ASPA: variants seen among roughly 807,000 people sequenced by gnomAD.
ASPA encodes aspartoacylase.
Under a neutral mutation model 29.6 loss-of-function variants are expected in ASPA, and 25 were observed. The ratio of observed to expected loss-of-function variants is 0.85; its 90% confidence interval spans 0.62 to 1.18. The LOEUF (loss-of-function observed/expected upper bound fraction) is 1.18, where lower values mean the gene tolerates loss of function less well. Among genes scored for constraint, ASPA ranks in the 50% most tolerant of loss-of-function variants. ASPA has a pLI of 0.00. For synonymous variants in ASPA, 131 were observed against 130.3 expected (o/e 1.01, Z -0.04); for missense variants, 333 against 385.7 (o/e 0.86, Z 1.14).
chr17:3,494,385 A>C lies in ASPA; in HGVS notation c.670A>C (p.Lys224Gln). 1 of 1,613,050 alleles carries C rather than the reference A, an allele frequency of 6.2e-7. No individual in the cohort carries two copies. The highest frequency in any genetic ancestry group is 8.5e-7 in the Non-Finnish European group (1 of 1,178,978). ...TCCTCCCTGCGCCATTGAGGTCTATAAAATTATAGAGAAAGTTGATTACCC... is the reference window on the plus strand; with the variant it reads ...TCCTCCCTGCGCCATTGAGGTCTATCAAATTATAGAGAAAGTTGATTACCC... ...EFPPCAIEVY[K>Q]IIEKVDYPRD... is the part of the protein sequence containing the mutation. Residue 224 changes from lysine (K) to glutamine (Q), a missense_variant, in exon 5 of 6, where the codon AAA becomes CAA. Transcript: ENST00000263080.
chr17:3,492,941 C>T (rs557495695), intron 4 of ASPA, among the ~76,000 whole-genome samples: 269 of 152,302 alleles, frequency 1.8e-3, no homozygotes, highest in African/African-American at 6.3e-3. Flanking sequence ...TTTGAAGCCA[C>T]TAAATTCTGG....
chr17:3,490,935 C>T lies in ASPA; in HGVS notation c.634+1593C>T, dbSNP rs2150755131. 6.6e-6 allele frequency among the ~76,000 whole-genome samples: 1 copy of T among 152,236 alleles called. No homozygotes were observed. The highest frequency in any genetic ancestry group is 3.4e-3 in the Middle Eastern group (1 of 294). On this transcript the variant is annotated intron_variant, in intron 4 of 5. Transcript: ENST00000263080. The surrounding 1 kb of genome is among the most constrained non-coding windows in gnomAD (Gnocchi z 4.6). ...CATTTAAGCAAAGGATTCGGCAAAT[C>T]AAAAATTGTCAACCACGATTAATTT...
chr17:3,495,270 A>C (rs1364711638), intron 5 of ASPA, among the ~76,000 whole-genome samples: 1 of 152,230 alleles, frequency 6.6e-6, no homozygotes, highest in African/African-American at 2.4e-5. Flanking sequence ...CAGGGCTTTC[A>C]ACCCCGACTA....
intron 1 of ASPA, 107 bp downstream of exon 1, chr17:3,476,502 C>A: frequency 9.7e-7 from 1 of 1,035,630 alleles, no homozygotes; most frequent in Non-Finnish European, 1.5e-6. Context: ...CATGTCCGTA[C>A]ATGCAGTCGT....
rs551174543 is a variant in ASPA, at chr17:3,488,578, A to G, written c.527-657A>G. ...AGGCTGAGGCAGAAGAATCGCTTGAACCTGGGAGGCAGAGGTTGCAGTGAG... is the reference window on the plus strand; with the variant it reads ...AGGCTGAGGCAGAAGAATCGCTTGAGCCTGGGAGGCAGAGGTTGCAGTGAG... On this transcript the variant is annotated intron_variant, in intron 3 of 5. Coordinates refer to ENST00000263080, the MANE Select transcript of ASPA (RefSeq NM_000049.4). The surrounding 1 kb of genome is among the most constrained non-coding windows in gnomAD (Gnocchi z 6.1). Among the ~76,000 whole-genome samples, 1 of 152,246 alleles carries G rather than the reference A, an allele frequency of 6.6e-6. No homozygotes were observed. The highest frequency in any genetic ancestry group is 2.4e-5 in the African/African-American group (1 of 41,540).
At chr17:3,481,939 G>C in intron 2 of ASPA, 141 bp downstream of exon 2, 1 of 760,008 alleles carries the variant, frequency 1.3e-6, no homozygotes, top group East Asian at 2.8e-5. Flanking sequence ...CTTGGTGGTT[G>C]GGGGGAAAGG....
At chr17:3,495,114 G>T (rs564941954) in intron 5 of ASPA, among the ~76,000 whole-genome samples, 2 of 152,164 alleles carry the variant, frequency 1.3e-5, no homozygotes, top group East Asian at 3.9e-4. Flanking sequence ...GCTCTTGAGA[G>T]AATGTAGGAG....
chr17:3,477,754 G>A (rs1484344848), intron 1 of ASPA, among the ~76,000 whole-genome samples: 2 of 151,940 alleles, frequency 1.3e-5, no homozygotes, highest in Non-Finnish European at 2.9e-5. Context: ...GCGCTGGGCC[G>A]CTTTTTTTCT....
chr17:3,492,218 C>T (rs933287344), intron 4 of ASPA, among the ~76,000 whole-genome samples: 3 of 152,170 alleles, frequency 2.0e-5, no homozygotes, highest in South Asian at 2.1e-4. Flanking sequence ...AGCAATGAAA[C>T]GGGCCACACT....
Position 3,500,165 on chromosome 17 carries a change from T to C in ASPA, c.*1077T>C, listed in dbSNP as rs1267787084. On this transcript the variant is annotated 3_prime_UTR_variant, in exon 6 of 6. Coordinates refer to ENST00000263080, the MANE Select transcript of ASPA (RefSeq NM_000049.4). ...GGAAGCTGCAGGAAGCTGGGAGAGG[T>C]TGGTTCACAAGGTTTAAGGAAAGAA... 2.6e-5 allele frequency: 4 copies of C among 152,154 alleles called. No homozygotes were observed. The highest frequency in any genetic ancestry group is 2.1e-4 in the South Asian group (1 of 4,818). 9.4% of individuals were successfully genotyped at this position (152,154 alleles called of 1,614,324 possible).
chr17:3,493,907 T>C (rs2073867137), intron 4 of ASPA, among the ~76,000 whole-genome samples: 1 of 152,212 alleles, frequency 6.6e-6, no homozygotes, highest in Admixed American at 6.5e-5. Flanking sequence ...AGGACATCTT[T>C]TGGCCTAGTG....
chr17:3,496,312 A>T (rs765851463), intron 5 of ASPA, among the ~76,000 whole-genome samples: 7 of 152,274 alleles, frequency 4.6e-5, no homozygotes, highest in Non-Finnish European at 7.3e-5. Context: ...AACAATATGT[A>T]AACCAAATCA....
At chr17:3,491,714 C>T (rs556473764) in intron 4 of ASPA, among the ~76,000 whole-genome samples, 91 of 152,002 alleles carry the variant, frequency 6.0e-4, no homozygotes, top group African/African-American at 2.1e-3. Flanking sequence ...TGCCACTGCA[C>T]TCCAGCCTCG....
intron 2 of ASPA, 65 bp downstream of exon 2, chr17:3,481,863 G>A: frequency 7.2e-7 from 1 of 1,385,956 alleles, no homozygotes; most frequent in South Asian, 1.3e-5. Context: ...AATTATGGAT[G>A]TGAGACAATC....
chr17:3,477,899 A>C (rs1226871994), intron 1 of ASPA, among the ~76,000 whole-genome samples: 1 of 151,796 alleles, frequency 6.6e-6, no homozygotes, highest in Non-Finnish European at 1.5e-5. Flanking sequence ...TATAAGATAC[A>C]TGGCCGGGCA....
chr17:3,492,380 T>C (rs541421553), intron 4 of ASPA, among the ~76,000 whole-genome samples: 3 of 152,268 alleles, frequency 2.0e-5, no homozygotes, highest in Non-Finnish European at 4.4e-5. Context: ...AGTTTTTACT[T>C]TCTTCCTATC....
At chr17:3,477,743 C>A (rs562267301) in intron 1 of ASPA, among the ~76,000 whole-genome samples, 6 of 152,202 alleles carry the variant, frequency 3.9e-5, no homozygotes, top group African/African-American at 1.4e-4. Flanking sequence ...CATGAGCCAC[C>A]GCGCTGGGCC....
intron 4 of ASPA, among the ~76,000 whole-genome samples, chr17:3,491,032 G>A (rs766675481): frequency 5.3e-5 from 8 of 152,254 alleles, no homozygotes; most frequent in East Asian, 1.9e-4. Flanking sequence ...AATCATAGCC[G>A]CCATGTGAAA....
rs1246552707 is a variant in ASPA, at chr17:3,498,963, G to A, written c.817G>A (p.Gly273Ser). 1 of 1,613,896 alleles carries A rather than the reference G, an allele frequency of 6.2e-7. No homozygotes were observed. The highest frequency in any genetic ancestry group is 1.3e-5 in the African/African-American group (1 of 74,922). ...LTLDGKTIPL[G>S]GDCTVYPVFV... Reference sequence around the variant, plus strand: ...TCTTGATGGGAAGACGATCCCACTGGGCGGAGACTGTACCGTGTACCCCGT... The same window carrying A: ...TCTTGATGGGAAGACGATCCCACTGAGCGGAGACTGTACCGTGTACCCCGT... The change falls in exon 6 of 6, where the codon GGC becomes AGC. Residue 273 changes from glycine to serine, a missense_variant. Physicochemically the swap from Gly to Ser is moderately conservative, Grantham distance 56. Transcript: ENST00000263080.
Sources: gnomAD v4.1 joint callset for allele counts (sites outside exome capture counted in the v4.1 genomes callset) on GRCh38, gnomAD v4.1.1 for gene constraint, Gnocchi (gnomAD v3.1) non-coding constraint, MANE v1.5 for transcripts, NCBI Gene and HGNC (gene_info 2026-07-23, HGNC 2026-07-21) for gene names.